The following FBLN1 variants were observed in gnomAD, a reference collection of about 807,000 sequenced individuals.
FBLN1 encodes the protein fibulin-1.
In FBLN1, 34 loss-of-function variants were observed where a neutral mutation model predicts 89.7. The ratio of observed to expected loss-of-function variants is 0.38; its 90% CI spans 0.29 to 0.50. The LOEUF (loss-of-function observed/expected upper bound fraction) is 0.50, where lower values mean the gene tolerates loss of function less well. FBLN1 is among the 20% of genes least tolerant of loss of function. The pLI is 0.92. For synonymous variants in FBLN1, 393 were observed against 391.3 expected (o/e 1.00, Z -0.05); for missense variants, 777 against 988.1 (o/e 0.79, Z 2.86).
intron 3 of FBLN1, 51 bp downstream of exon 3, chr22:45,525,729 G>A (rs1326516769): frequency 8.4e-6 from 13 of 1,550,312 alleles, no homozygotes. Context: ...CTAGTCGGCA[G>A]ACCCAGGCCC....
At position 45,590,745 on chromosome 22, in the gene FBLN1, A is replaced by G. The variant is rs566983671; in HGVS notation, c.1973-9562A>G. On this transcript the variant is annotated intron_variant, in intron 16 of 16. Coordinates refer to ENST00000327858, the MANE Select transcript of FBLN1 (RefSeq NM_006486.3). The surrounding 1 kb of genome is among the most constrained non-coding windows in gnomAD (Gnocchi z 4.1). The stretch of plus-strand genomic sequence containing the variant: ...GTGATGGTTTAACCTGAGGGATGGG[A>G]GTAAGGGGCCTATCGAGGGCGACTC... Among the ~76,000 whole-genome samples the G allele has an allele frequency of 2.3e-4, 35 of 152,008 alleles. No homozygotes were observed. Among genetic ancestry groups the G allele is most frequent in the African/African-American group, 7.7e-4 (32 of 41,440 alleles).
intron 12 of FBLN1, among the ~76,000 whole-genome samples, chr22:45,547,720 A>G (rs2088650747): frequency 6.6e-6 from 1 of 151,740 alleles, no homozygotes; most frequent in African/African-American, 2.4e-5. Flanking sequence ...ATTCTAATAT[A>G]CTTTTCCCAT....
chr22:45,575,185 A>T lies in FBLN1; in HGVS notation c.1840+532A>T, dbSNP rs1187650905. Among the ~76,000 whole-genome samples, 1 of 151,904 alleles carries T rather than the reference A, an allele frequency of 6.6e-6. No individual in the cohort carries two copies. Among genetic ancestry groups the T allele is most frequent in the East Asian group, 1.9e-4 (1 of 5,162 alleles). ...CTTTCCGTTCAGGTGGTCTTTTCTT[A>T]TGGGTAACGGTTGTTCTGCAGAGAG... On this transcript the variant is annotated intron_variant, in intron 15 of 16. Coordinates refer to ENST00000327858, the MANE Select transcript of FBLN1 (RefSeq NM_006486.3). The surrounding 1 kb of genome is among the most constrained non-coding windows in gnomAD (Gnocchi z 6.3).
At chr22:45,592,775 G>A (rs542568470) in intron 16 of FBLN1, among the ~76,000 whole-genome samples, 51 of 152,332 alleles carry the variant, frequency 3.3e-4, no homozygotes, top group African/African-American at 1.2e-3. Flanking sequence ...TGATGGGCAA[G>A]CCTGTTTGGG....
chr22:45,554,329 G>A (rs1179256399), intron 14 of FBLN1, among the ~76,000 whole-genome samples: 3 of 152,232 alleles, frequency 2.0e-5, no homozygotes, highest in Non-Finnish European at 4.4e-5. Flanking sequence ...CTGGGGGAGA[G>A]CTCTCAGATC....
At position 45,547,113 on chromosome 22, in the gene FBLN1, T is replaced by C; in HGVS notation, c.1350T>C (p.Cys450=). Residue 450 remains cysteine, a synonymous_variant, in exon 12 of 17, where the codon TGT becomes TGC. Coordinates refer to ENST00000327858, the MANE Select transcript of FBLN1 (RefSeq NM_006486.3). ...EDINECSSSP[C]SQECANVYGS... ...TCAATGAGTGCAGCAGCAGCCCCTGTAGCCAGGAGTGTGCCAACGTCTACG... is the reference window on the plus strand; with the variant it reads ...TCAATGAGTGCAGCAGCAGCCCCTGCAGCCAGGAGTGTGCCAACGTCTACG... 1 of 1,614,164 alleles carries C rather than the reference T, an allele frequency of 6.2e-7. No individual in the cohort carries two copies.
intron 1 of FBLN1, among the ~76,000 whole-genome samples, chr22:45,513,921 G>C (rs2238805): frequency 0.14 from 21,305 of 152,152 alleles, 1,792 homozygotes; most frequent in Middle Eastern, 0.27. Flanking sequence ...AGCCTCCTGA[G>C]TAGCTGGGAT....
chr22:45,547,310 A>T, intron 12 of FBLN1, 106 bp downstream of exon 12: 45 of 1,364,236 alleles, frequency 3.3e-5, no homozygotes, highest in Non-Finnish European at 3.5e-5. Context: ...GCCTGCTGGG[A>T]TTTCTTCACC....
intron 1 of FBLN1, among the ~76,000 whole-genome samples, chr22:45,514,886 C>T (rs536505607): frequency 1.3e-5 from 2 of 152,188 alleles, no homozygotes; most frequent in Non-Finnish European, 2.9e-5. Flanking sequence ...GCCCAGGAGC[C>T]GTGGGTGAGA....
rs540313915 is a variant in FBLN1, at chr22:45,581,779, C to G, written c.1972+4671C>G. ...GGGGTGAGCCAGACAAGTGGGACAC[C>G]CAAACTCACAGCCACGTCTGTGGCT... is the stretch of plus-strand genomic sequence containing the variant. On this transcript the variant is annotated intron_variant, in intron 16 of 16. Transcript: ENST00000327858. The surrounding 1 kb of genome is among the most constrained non-coding windows in gnomAD (Gnocchi z 7.6). Among the ~76,000 whole-genome samples the G allele has an allele frequency of 6.6e-6, 1 of 152,146 alleles. No individual in the cohort carries two copies. Among genetic ancestry groups the G allele is most frequent in the South Asian group, 2.1e-4 (1 of 4,806 alleles).
rs1339724019 is a variant in FBLN1 at position 45,502,978 on chromosome 22, C to G, written c.-8C>G. ...CCGCCGCCGCCCACCGCCCGTCGCC[C>G]GCCGCCCATGGAGCGCGCCGCGCCG... On this transcript the variant is annotated 5_prime_UTR_variant, in exon 1 of 17. Transcript: ENST00000327858. 1 of 1,186,808 alleles carries G rather than the reference C, an allele frequency of 8.4e-7. No individual in the cohort carries two copies. The highest frequency in any genetic ancestry group is 1.6e-5 in the African/African-American group (1 of 61,988). The allele number at this position is 1,186,808 out of a possible 1,614,324, so 73.5% of individuals were successfully genotyped here.
In FBLN1 at chr22:45,584,864, G is replaced by A. The variant is rs187565390; in HGVS notation, c.1972+7756G>A. On this transcript the variant is annotated intron_variant, in intron 16 of 16. Coordinates refer to ENST00000327858, the MANE Select transcript of FBLN1 (RefSeq NM_006486.3). ...CTGGGCTGGTGAGGCCGGCCTGGCC[G>A]GAAGCAAGTCAGCAAGCAGGCCTCT... Among the ~76,000 whole-genome samples, 265 of 152,340 alleles carry A rather than the reference G, an allele frequency of 1.7e-3. 1 individual carries two copies. The highest frequency in any genetic ancestry group is 6.1e-3 in the African/African-American group (252 of 41,572).
chr22:45,593,260 C>G (rs1159947267), intron 16 of FBLN1, among the ~76,000 whole-genome samples: 1 of 147,152 alleles, frequency 6.8e-6, no homozygotes, highest in Admixed American at 7.1e-5. Flanking sequence ...CGAGATGGGG[C>G]CGAGAATGTG....
At chr22:45,547,542 T>C (rs1213957006) in intron 12 of FBLN1, among the ~76,000 whole-genome samples, 2 of 151,640 alleles carry the variant, frequency 1.3e-5, no homozygotes, top group African/African-American at 4.9e-5. Context: ...ACCATAGGTG[T>C]ATACCACCAT....
chr22:45,518,934 G>A lies in FBLN1; in HGVS notation c.185+147G>A, dbSNP rs1383531658. ...CCAGGCTGCGGGTGCTGCAGTGGGT[G>A]ACTCCTGCCTCCCTCCTGGCACCGG... On this transcript the variant is annotated intron_variant, in intron 2 of 16. Coordinates refer to ENST00000327858, the MANE Select transcript of FBLN1 (RefSeq NM_006486.3). The A allele has an allele frequency of 6.5e-6, 5 of 764,016 alleles. No homozygotes were observed. In the African/African-American group the frequency reaches 8.6e-5, roughly 13 times the overall value. The allele number at this position is 764,016 out of a possible 1,614,324, so 47.3% of individuals were successfully genotyped here. A position where few individuals can be genotyped will look rare whatever the true frequency, so the allele number is the denominator to read the frequency against.
intron 16 of FBLN1, among the ~76,000 whole-genome samples, chr22:45,584,048 A>G (rs746277120): frequency 4.6e-5 from 7 of 152,130 alleles, no homozygotes; most frequent in Admixed American, 2.6e-4. Context: ...AGGTGGTGGT[A>G]TAAGGCAGTC....
rs749225074 is a variant in FBLN1, at chr22:45,541,216, T to A, written c.923-13T>A. The A allele has an allele frequency of 5.0e-6, 8 of 1,614,222 alleles. No homozygotes were observed. The highest frequency in any genetic ancestry group is 1.6e-4 in the Middle Eastern group (1 of 6,062). On this transcript the variant is annotated splice_polypyrimidine_tract_variant and intron_variant, in intron 8 of 16. Transcript: ENST00000327858. Reference sequence around the variant, plus strand: ...AGGTTTAACCACATGGTCTCTGTCTTTTCCCGCTGTAGATATCAATGAGTG... The same window carrying A: ...AGGTTTAACCACATGGTCTCTGTCTATTCCCGCTGTAGATATCAATGAGTG...
At position 45,545,596 on chromosome 22, in the gene FBLN1, G is replaced by A. The variant is rs2283663; in HGVS notation, c.1322-1489G>A. Among the ~76,000 whole-genome samples the A allele has an allele frequency of 0.7, 105,685 of 151,972 alleles. 37,189 individuals carry two copies. The highest frequency in any genetic ancestry group is 0.81 in the Middle Eastern group (239 of 294). On this transcript the variant is annotated intron_variant, in intron 11 of 16. Coordinates refer to ENST00000327858, the MANE Select transcript of FBLN1 (RefSeq NM_006486.3). This position sits in a 1 kb window ranked among gnomAD's most constrained non-coding sequence, Gnocchi z 5.9. ...ATGTGACCTTACTAACCATTTGTTA[G>A]GGTCCTGCCCCGGGTGTGTAGCAAG... is the stretch of plus-strand genomic sequence containing the variant.
At position 45,531,536 on chromosome 22, in the gene FBLN1, A is replaced by G. The variant is rs1031543272; in HGVS notation, c.544+212A>G. ...CCCCGTCTCAAAAACAAAAAAACAA[A>G]CAAACAAAAAGCAAAACCAAGGAAT... On this transcript the variant is annotated intron_variant, in intron 5 of 16. Transcript: ENST00000327858. The surrounding 1 kb of genome is among the most constrained non-coding windows in gnomAD (Gnocchi z 4.9). Among the ~76,000 whole-genome samples the G allele has an allele frequency of 6.6e-6, 1 of 152,172 alleles. No individual in the cohort carries two copies. Among genetic ancestry groups the G allele is most frequent in the African/African-American group, 2.4e-5 (1 of 41,442 alleles).
Sources: gnomAD v4.1 joint callset for allele counts (sites outside exome capture counted in the v4.1 genomes callset) on GRCh38, gnomAD v4.1.1 for gene constraint, Gnocchi (gnomAD v3.1) non-coding constraint, MANE v1.5 for transcripts, NCBI Gene and HGNC (gene_info 2026-07-23, HGNC 2026-07-21) for gene names.